The following HMGB1 variants were observed in gnomAD, a reference collection of about 807,000 sequenced individuals.
The protein encoded by HMGB1 is high mobility group protein B1.
For missense variants in HMGB1, 79 were observed against 253.5 expected, an observed-to-expected ratio of 0.31 and a Z score of 4.67; for synonymous variants, 81 against 84.0, an observed-to-expected ratio of 0.96 and a Z score of 0.19.
chr13:30,474,959 G>GTTTTTTTTTTTTTTTTT (rs776923842), intron 1 of HMGB1, among the ~76,000 whole-genome samples: 1 of 64,030 alleles, frequency 1.6e-5, no homozygotes, highest in Non-Finnish European at 2.6e-5. Flanking sequence ...TTCTTTTTTT[G>GTTTTTTTTTTTTTTTTT]TTTTTTTTTT....
chr13:30,478,103 T>C (rs1887140387), intron 1 of HMGB1, among the ~76,000 whole-genome samples: 1 of 152,214 alleles, frequency 6.6e-6, no homozygotes, highest in Non-Finnish European at 1.5e-5. Context: ...GATAGTCATG[T>C]TCAGAAATGA....
At chr13:30,461,686 G>A in intron 4 of HMGB1, 153 bp from the exon 5 acceptor site, 3 of 1,572,350 alleles carry the variant, frequency 1.9e-6, no homozygotes, top group African/African-American at 1.3e-5. Context: ...GAAATAACTA[G>A]AACTTCAATA....
intron 1 of HMGB1, among the ~76,000 whole-genome samples, chr13:30,578,215 AGT>A (rs1475280495): frequency 6.6e-6 from 1 of 151,836 alleles, no homozygotes; most frequent in Non-Finnish European, 1.5e-5. Context: ...TATGAACCTT[AGT>A]GTAGGTTATG....
chr13:30,497,052 C>T (rs542135188), intron 1 of HMGB1, among the ~76,000 whole-genome samples: 6 of 152,274 alleles, frequency 3.9e-5, no homozygotes, highest in African/African-American at 1.4e-4. Context: ...TAAACTGAGA[C>T]CTTGATCCTC....
At chr13:30,532,532 G>A (rs547200825) in intron 1 of HMGB1, among the ~76,000 whole-genome samples, 76 of 151,290 alleles carry the variant, frequency 5.0e-4, no homozygotes, top group African/African-American at 1.7e-3. Flanking sequence ...TTTTTGAGAC[G>A]GAGTCTCACT....
intron 1 of HMGB1, among the ~76,000 whole-genome samples, chr13:30,593,685 T>C (rs1037335500): frequency 6.6e-6 from 1 of 152,236 alleles, no homozygotes; most frequent in Non-Finnish European, 1.5e-5. Flanking sequence ...TTGTTTTACA[T>C]TGATCCTTTG....
intron 3 of HMGB1, 48 bp from the exon 4 acceptor site, chr13:30,462,760 A>G: frequency 6.8e-7 from 1 of 1,472,444 alleles, no homozygotes; most frequent in Admixed American, 1.7e-5. Flanking sequence ...GATCACAAAA[A>G]CAAATACTAT....
At chr13:30,552,850 C>T (rs1869491019) in intron 1 of HMGB1, among the ~76,000 whole-genome samples, 1 of 152,180 alleles carries the variant, frequency 6.6e-6, no homozygotes, top group Non-Finnish European at 1.5e-5. Context: ...CTATGGTACC[C>T]AGGTCTCTGT....
At chr13:30,464,387 T>C (rs1326278827) in intron 1 of HMGB1, 1 of 985,468 alleles carries the variant, frequency 1.0e-6, no homozygotes, top group Non-Finnish European at 1.2e-6. Context: ...AAGCCACTCC[T>C]GCTCGTGGCT....
intron 1 of HMGB1, chr13:30,553,861 C>A: frequency 3.8e-6 from 5 of 1,329,118 alleles, no homozygotes. Context: ...CTGCAGAATA[C>A]TGAGAATGAT....
upstream of HMGB1, among the ~76,000 whole-genome samples, chr13:30,468,269 G>A (rs1227082427): frequency 6.6e-6 from 1 of 152,072 alleles, no homozygotes; most frequent in Non-Finnish European, 1.5e-5. Context: ...TATTGTTGTT[G>A]TTTGAGACAG....
intron 1 of HMGB1, among the ~76,000 whole-genome samples, chr13:30,476,865 C>CAAAA (rs35075993): frequency 3.7e-5 from 5 of 135,580 alleles, no homozygotes; most frequent in African/African-American, 8.4e-5. Flanking sequence ...GATTCTGTCT[C>CAAAA]AAAAAAAAAA....
In HMGB1 at chr13:30,465,840, T is replaced by G; in HGVS notation, c.-59A>C. 5 of 985,622 alleles carry G rather than the reference T, an allele frequency of 5.1e-6. No homozygotes were observed. Among genetic ancestry groups the G allele is most frequent in the Non-Finnish European group, 6.0e-6 (5 of 829,714 alleles). The allele number at this position is 985,622 out of a possible 1,614,324, so 61.1% of individuals were successfully genotyped here. A position where few individuals can be genotyped will look rare whatever the true frequency, so the allele number is the denominator to read the frequency against. The stretch of plus-strand genomic sequence containing the variant: ...CGCCCAGTGCCCGTCCGGCTCTCAC[T>G]TGCCCCGGTGCTGTCTCTATGGAGC... On this transcript the variant is annotated 5_prime_UTR_variant, in exon 1 of 5. Transcript: ENST00000341423.
chr13:30,580,021 G>A (rs1018648172), intron 1 of HMGB1, among the ~76,000 whole-genome samples: 8 of 152,152 alleles, frequency 5.3e-5, no homozygotes, highest in African/African-American at 9.7e-5. Context: ...TACTTAAGAC[G>A]AAAGAAATAG....
chr13:30,478,871 CTT>C (rs3042542), intron 1 of HMGB1, among the ~76,000 whole-genome samples: 14 of 126,104 alleles, frequency 1.1e-4, no homozygotes, highest in Non-Finnish European at 1.5e-4. Flanking sequence ...CTTTTCTTTT[CTT>C]TTTTTTTTTT....
chr13:30,480,280 G>T (rs1365915345), intron 1 of HMGB1, among the ~76,000 whole-genome samples: 4 of 152,086 alleles, frequency 2.6e-5, no homozygotes, highest in African/African-American at 9.7e-5. Flanking sequence ...TTCAGTCTAC[G>T]TTTCATTTAT....
chr13:30,563,435 C>T (rs1870047990), intron 1 of HMGB1, among the ~76,000 whole-genome samples: 1 of 152,064 alleles, frequency 6.6e-6, no homozygotes, highest in African/African-American at 2.4e-5. Context: ...ATAGCAAGAT[C>T]CCATCTCTCT....
intron 1 of HMGB1, among the ~76,000 whole-genome samples, chr13:30,582,592 C>T (rs1467966839): frequency 6.6e-6 from 1 of 151,574 alleles, no homozygotes; most frequent in South Asian, 2.1e-4. Context: ...GAGCTGAGAT[C>T]GTGCCACTGC....
chr13:30,596,500 A>G (rs1403393836), intron 1 of HMGB1, among the ~76,000 whole-genome samples: 1 of 152,226 alleles, frequency 6.6e-6, no homozygotes, highest in Non-Finnish European at 1.5e-5. Context: ...ATCTCATGGG[A>G]ACAACTCACG....
Sources: gnomAD v4.1 joint callset for allele counts (sites outside exome capture counted in the v4.1 genomes callset) on GRCh38, gnomAD v4.1.1 for gene constraint, MANE v1.5 for transcripts, NCBI Gene and HGNC (gene_info 2026-07-23, HGNC 2026-07-21) for gene names.